Variants in RBFOX1 observed in about 807,000 individuals in gnomAD.
RBFOX1 encodes the protein RNA binding fox-1 homolog 1, also known as RNA binding protein fox-1 homolog 1.
Under a neutral mutation model 57.7 loss-of-function variants are expected in RBFOX1, and 8 were observed. That is an observed-to-expected ratio of 0.14 (90% CI 0.08 to 0.25). RBFOX1 has a LOEUF of 0.25. RBFOX1 is among the 10% of genes least tolerant of loss of function. The pLI is 1.00. For missense variants in RBFOX1, 611 were observed against 548.5 expected, an observed-to-expected ratio of 1.11 and a Z score of -1.14; for synonymous variants, 326 against 222.4, an observed-to-expected ratio of 1.47 and a Z score of -4.15.
At chr16:6,505,054 C>T (rs533446713) in intron 2 of RBFOX1, among the ~76,000 whole-genome samples, 3 of 152,214 alleles carry the variant, frequency 2.0e-5, no homozygotes, top group East Asian at 3.9e-4. Context: ...TCTTGGGCAA[C>T]AGAGTGACAC....
intron 1 of RBFOX1, chr16:5,271,005 A>C: frequency 3.4e-6 from 1 of 289,864 alleles, no homozygotes; most frequent in Non-Finnish European, 6.5e-6. Context: ...GTGAAAAACA[A>C]ACAATAAACA....
At chr16:6,779,516 C>A (rs977560665) in intron 3 of RBFOX1, among the ~76,000 whole-genome samples, 1 of 151,022 alleles carries the variant, frequency 6.6e-6, no homozygotes, top group Non-Finnish European at 1.5e-5. Flanking sequence ...AACTTTCTTT[C>A]ATTTGAATAT....
At chr16:7,256,888 A>G (rs1267591413) in intron 4 of RBFOX1, among the ~76,000 whole-genome samples, 1 of 152,098 alleles carries the variant, frequency 6.6e-6, no homozygotes, top group Non-Finnish European at 1.5e-5. Flanking sequence ...CTGAAAGTCC[A>G]TCACACCCGG....
chr16:5,850,932 G>A (rs146986318), intron 3 of RBFOX1, among the ~76,000 whole-genome samples: 2 of 152,344 alleles, frequency 1.3e-5, no homozygotes, highest in African/African-American at 4.8e-5. Flanking sequence ...CCTGGCTGGA[G>A]ATGGCATCGG....
chr16:7,411,198 A>T (rs1234070312), intron 4 of RBFOX1, among the ~76,000 whole-genome samples: 1 of 151,678 alleles, frequency 6.6e-6, no homozygotes, highest in East Asian at 2.0e-4. Flanking sequence ...TGCCCTTCTC[A>T]GCCTCCCAAA....
At chr16:7,316,894 A>G (rs2096451840) in intron 4 of RBFOX1, among the ~76,000 whole-genome samples, 1 of 151,954 alleles carries the variant, frequency 6.6e-6, no homozygotes, top group South Asian at 2.1e-4. Context: ...CATAAGGGCC[A>G]GAGACGACTG....
At chr16:7,579,642 A>G (rs890912912) in intron 5 of RBFOX1, 135 bp from the exon 6 acceptor site, 1 of 1,042,236 alleles carries the variant, frequency 9.6e-7, no homozygotes, top group African/African-American at 1.6e-5. Context: ...GCATGCATGC[A>G]TGCGTCAGCA....
intron 3 of RBFOX1, among the ~76,000 whole-genome samples, chr16:5,765,595 C>G (rs1380505085): frequency 6.6e-6 from 1 of 152,172 alleles, no homozygotes; most frequent in African/African-American, 2.4e-5. Context: ...GAATGGCTGT[C>G]CAGCAGGTGG....
chr16:6,008,661 A>G (rs1045485297), intron 4 of RBFOX1, among the ~76,000 whole-genome samples: 3 of 152,128 alleles, frequency 2.0e-5, no homozygotes, highest in Non-Finnish European at 4.4e-5. Flanking sequence ...GGAAGGGTTA[A>G]CTGTTGGAAA....
intron 6 of RBFOX1, among the ~76,000 whole-genome samples, chr16:7,586,766 GT>G (rs2094147879): frequency 6.6e-6 from 1 of 152,162 alleles, no homozygotes; most frequent in African/African-American, 2.4e-5. Flanking sequence ...TTGCTTCTGT[GT>G]TTGTACTTTC....
intron 4 of RBFOX1, among the ~76,000 whole-genome samples, chr16:7,379,924 C>G (rs373931710): frequency 1.9e-4 from 29 of 152,120 alleles, no homozygotes; most frequent in Non-Finnish European, 3.8e-4. Context: ...ACCATCATAT[C>G]TCACCCCACA....
chr16:6,862,766 C>T lies in RBFOX1; in HGVS notation c.-15-189291C>T, dbSNP rs1013598239. Among the ~76,000 whole-genome samples, 8 of 152,086 alleles carry T rather than the reference C, an allele frequency of 5.3e-5. 1 individual carries two copies. The highest frequency in any genetic ancestry group is 4.6e-4 in the Admixed American group (7 of 15,264). On this transcript the variant is annotated intron_variant, in intron 3 of 15. Coordinates refer to ENST00000550418, the MANE Select transcript of RBFOX1 (RefSeq NM_018723.4). ...TTGTAAGGCCGAGGCTGGTGGATCA[C>T]CTGAGGTCAGGAGTTGAAGATCAGC... is the stretch of plus-strand genomic sequence containing the variant.
chr16:5,244,555 T>A (rs769217003), intron 1 of RBFOX1, among the ~76,000 whole-genome samples: 16 of 152,252 alleles, frequency 1.1e-4, no homozygotes, highest in Non-Finnish European at 2.2e-4. Flanking sequence ...TGAGCACAGC[T>A]GGACTACAGA....
At chr16:6,847,230 T>C (rs529003166) in intron 3 of RBFOX1, among the ~76,000 whole-genome samples, 4 of 152,304 alleles carry the variant, frequency 2.6e-5, no homozygotes, top group Admixed American at 6.5e-5. Context: ...CATTTCATGA[T>C]ATACAACATG....
intron 14 of RBFOX1, among the ~76,000 whole-genome samples, chr16:7,688,379 A>T (rs1344130896): frequency 6.6e-6 from 1 of 152,126 alleles, no homozygotes; most frequent in South Asian, 2.1e-4. Context: ...CAGAATTAAG[A>T]AGCCAAATAA....
At chr16:5,326,133 C>A (rs997141419) in intron 1 of RBFOX1, among the ~76,000 whole-genome samples, 2 of 152,180 alleles carry the variant, frequency 1.3e-5, no homozygotes, top group South Asian at 4.1e-4. Flanking sequence ...GTATCGTCAG[C>A]ATTTTTAATT....
At chr16:6,150,434 C>T (rs2096789653) in intron 1 of RBFOX1, among the ~76,000 whole-genome samples, 2 of 151,990 alleles carry the variant, frequency 1.3e-5, no homozygotes, top group South Asian at 4.2e-4. Context: ...TGGAGCTCTA[C>T]TTCTGGAAAT....
chr16:7,205,586 C>G (rs1187017315), intron 4 of RBFOX1, among the ~76,000 whole-genome samples: 1 of 151,922 alleles, frequency 6.6e-6, no homozygotes. Context: ...GTAGAATGTT[C>G]CTATCCACCC....
chr16:6,940,378 G>A (rs1380086285), intron 3 of RBFOX1, among the ~76,000 whole-genome samples: 3 of 152,114 alleles, frequency 2.0e-5, no homozygotes, highest in Admixed American at 1.3e-4. Flanking sequence ...CTTCCCATCC[G>A]ACAATTCCAG....
Sources: gnomAD v4.1 joint callset for allele counts (sites outside exome capture counted in the v4.1 genomes callset) on GRCh38, gnomAD v4.1.1 for gene constraint, MANE v1.5 for transcripts, NCBI Gene and HGNC (gene_info 2026-07-23, HGNC 2026-07-21) for gene names.